The following ATP2A1 variants were observed in gnomAD, a reference collection of about 807,000 sequenced individuals.
ATP2A1 encodes ATPase sarcoplasmic/endoplasmic reticulum Ca2+ transporting 1.
In ATP2A1, 83 loss-of-function variants were observed where a neutral mutation model predicts 109.5. The observed-to-expected ratio is 0.76, with a 90% confidence interval of 0.63 to 0.91. The LOEUF (loss-of-function observed/expected upper bound fraction) is 0.91. Among genes scored for constraint, ATP2A1 ranks in the 40% least tolerant of loss-of-function variants. The probability of loss-of-function intolerance (pLI) is 0.00; values close to 1 mark genes in which losing one functional copy is unlikely to be tolerated. For missense variants in ATP2A1, 1,101 were observed against 1,341.0 expected (o/e 0.82, Z 2.80); for synonymous variants, 505 against 537.6 (o/e 0.94, Z 0.84).
rs1021645309 is a variant in ATP2A1 at position 28,901,852 on chromosome 16, T to C, written c.2101-11T>C. 6 of 1,612,266 alleles carry C rather than the reference T, an allele frequency of 3.7e-6. No homozygotes were observed. Among genetic ancestry groups the C allele is most frequent in the Non-Finnish European group, 5.1e-6 (6 of 1,178,890 alleles). On this transcript the variant is annotated splice_polypyrimidine_tract_variant and intron_variant, in intron 15 of 22. Transcript: ENST00000395503. ...AAGGTGCCCTAAGCCCACCTTCTCCTCCTCCCTCAGACAGGTGATGGCGTC... is the reference window on the plus strand; with the variant it reads ...AAGGTGCCCTAAGCCCACCTTCTCCCCCTCCCTCAGACAGGTGATGGCGTC...
rs1467785850 is a variant in ATP2A1, at chr16:28,883,165, G to A, written c.463+576G>A. Among the ~76,000 whole-genome samples, 1 of 152,218 alleles carries A rather than the reference G, an allele frequency of 6.6e-6. No individual in the cohort carries two copies. The highest frequency in any genetic ancestry group is 1.5e-5 in the Non-Finnish European group (1 of 68,040). ...CCTGGCCAGGGAGGGGTGGGGGCCG[G>A]GTGGCTAAGATTACTGGGATTCTGC... On this transcript the variant is annotated intron_variant, in intron 5 of 22. Coordinates refer to ENST00000395503, the MANE Select transcript of ATP2A1 (RefSeq NM_004320.6). This position sits in a 1 kb window ranked among gnomAD's most constrained non-coding sequence, Gnocchi z 5.2.
chr16:28,890,013 G>A (rs1278744527), intron 9 of ATP2A1, among the ~76,000 whole-genome samples: 5 of 152,074 alleles, frequency 3.3e-5, no homozygotes, highest in Admixed American at 6.6e-5. Context: ...ATGGTGGTGC[G>A]TGCCAGTAAT....
rs1226021851 is a variant in ATP2A1, at chr16:28,882,586, G to A, written c.460G>A (p.Ala154Thr). ...DIVPGDIVEV[A>T]VGDKVPADIR... ...CGTCCCTGGGGACATCGTGGAGGTG[G>A]CTGGTGAGTGACAGGGACGGCTGGT... Residue 154 changes from alanine (A) to threonine (T), a missense_variant, in exon 5 of 23, where the codon GCT (alanine) becomes ACT (threonine). Ala to Thr is a moderately conservative substitution (Grantham distance 58). Transcript: ENST00000395503. 1 of 1,614,022 alleles carries A rather than the reference G, an allele frequency of 6.2e-7. No individual in the cohort carries two copies. Among genetic ancestry groups the A allele is most frequent in the Non-Finnish European group, 8.5e-7 (1 of 1,180,008 alleles).
rs2152200815 is a variant in ATP2A1, at chr16:28,883,265, C to T, written c.463+676C>T. Reference sequence around the variant, plus strand: ...CAGGCCCCTGCCAGGGGGAATGGCTCTTCAGAGGCCTCCTTCCCTGTAGCA... The same window carrying T: ...CAGGCCCCTGCCAGGGGGAATGGCTTTTCAGAGGCCTCCTTCCCTGTAGCA... On this transcript the variant is annotated intron_variant, in intron 5 of 22. Coordinates refer to ENST00000395503, the MANE Select transcript of ATP2A1 (RefSeq NM_004320.6). The surrounding 1 kb of genome is among the most constrained non-coding windows in gnomAD (Gnocchi z 5.2). 6.6e-6 allele frequency among the ~76,000 whole-genome samples: 1 copy of T among 152,310 alleles called. No individual in the cohort carries two copies. The highest frequency in any genetic ancestry group is 2.1e-4 in the South Asian group (1 of 4,830).
At chr16:28,885,265 AG>A (rs1333425023) in intron 6 of ATP2A1, among the ~76,000 whole-genome samples, 11 of 149,208 alleles carry the variant, frequency 7.4e-5, no homozygotes, top group African/African-American at 2.0e-4. Context: ...AAAAAAAAAA[AG>A]ACAAAACAAA....
rs771329836 is a variant in ATP2A1, at chr16:28,879,546, T to G, written c.182T>G (p.Leu61Arg). 1.2e-6 allele frequency: 2 copies of G among 1,614,142 alleles called. No individual in the cohort carries two copies. Among genetic ancestry groups the G allele is most frequent in the Non-Finnish European group, 8.5e-7 (1 of 1,180,000 alleles). Residue 61 changes from leucine to arginine, a missense_variant, in exon 3 of 23, where the codon CTG becomes CGG. Transcript: ENST00000395503. The stretch of plus-strand genomic sequence containing the variant: ...GTGATAGAGCAGTTTGAAGACCTCC[T>G]GGTGCGGATTCTCCTCCTGGCCGCA... ...ELVIEQFEDLLVRILLLAACI... is the reference protein window; with the variant it reads ...ELVIEQFEDLRVRILLLAACI...
chr16:28,887,310 C>G, intron 7 of ATP2A1, 36 bp downstream of exon 7: 1 of 1,613,362 alleles, frequency 6.2e-7, no homozygotes, highest in Non-Finnish European at 8.5e-7. Flanking sequence ...CACACTCAGT[C>G]AAGCCAGGTG....
In ATP2A1 at chr16:28,902,232, G is replaced by A. The variant is rs774852588; in HGVS notation, c.2370G>A (p.Val790=). Residue 790 remains valine (V), a synonymous_variant, in exon 17 of 23, where the codon GTG becomes GTA. Transcript: ENST00000395503. This position sits in a 1 kb window ranked among gnomAD's most constrained non-coding sequence, Gnocchi z 4.8. ...GGCTGCCTGAGGCCCTGATCCCGGTGCAGCTGCTATGGGTGAACTTGGTGA... is the reference window on the plus strand; with the variant it reads ...GGCTGCCTGAGGCCCTGATCCCGGTACAGCTGCTATGGGTGAACTTGGTGA... ...ALGLPEALIP[V]QLLWVNLVTD... 1 of 1,614,132 alleles carries A rather than the reference G, an allele frequency of 6.2e-7. No homozygotes were observed. The highest frequency in any genetic ancestry group is 1.1e-5 in the South Asian group (1 of 91,080).
chr16:28,899,984 AAAAC>A (rs963828171), intron 14 of ATP2A1, among the ~76,000 whole-genome samples: 13 of 149,406 alleles, frequency 8.7e-5, no homozygotes, highest in African/African-American at 3.2e-4. Context: ...AACAAAAACA[AAAAC>A]AAAAAAAAGG....
At chr16:28,879,049 T>A in intron 1 of ATP2A1, 50 bp from the exon 2 acceptor site, 1 of 1,613,338 alleles carries the variant, frequency 6.2e-7, no homozygotes, top group Non-Finnish European at 8.5e-7. Flanking sequence ...GTGGGGGGCA[T>A]GAGGCTGAAC....
Position 28,880,026 on chromosome 16 carries a change from GGGA to G in ATP2A1, c.219+447_219+449del. 9.9e-7 allele frequency: 1 copy of G among 1,010,524 alleles called. No individual in the cohort carries two copies. The highest frequency in any genetic ancestry group is 5.0e-4 in the Middle Eastern group (1 of 2,018). 62.6% of individuals were successfully genotyped at this position (1,010,524 alleles called of 1,614,324 possible). ...AGCCTCCTGACGCTGATTGGTCGAG[GGGA>G]GGACTCGCTCCTAGTGGCGGGAAAG... On this transcript the variant is annotated intron_variant, in intron 3 of 22. Transcript: ENST00000395503. The surrounding 1 kb of genome is among the most constrained non-coding windows in gnomAD (Gnocchi z 4.2).
In ATP2A1 at chr16:28,904,387, A is replaced by C; in HGVS notation, c.*245A>C. ...TCAACCTTGTAAATTCCCCTTCCCA[A>C]CCCCGAGGGGCTTGCAGGGACAAGG... On this transcript the variant is annotated 3_prime_UTR_variant, in exon 23 of 23. Coordinates refer to ENST00000395503, the MANE Select transcript of ATP2A1 (RefSeq NM_004320.6). 3.3e-6 allele frequency: 5 copies of C among 1,529,346 alleles called. No individual in the cohort carries two copies. The highest frequency in any genetic ancestry group is 1.4e-5 in the African/African-American group (1 of 72,608). The allele number at this position is 1,529,346 out of a possible 1,614,324, so 94.7% of individuals were successfully genotyped here.
At chr16:28,889,022 G>A (rs1466535024) in intron 9 of ATP2A1, 69 bp downstream of exon 9, 4 of 1,588,186 alleles carry the variant, frequency 2.5e-6, no homozygotes, top group African/African-American at 1.3e-5. Flanking sequence ...GCCCTCCAAA[G>A]ATAGAGGTCT....
Position 28,887,498 on chromosome 16 carries a change from T to A in ATP2A1, c.704T>A (p.Ile235Asn), listed in dbSNP as rs569683468. 2.5e-6 allele frequency: 4 copies of A among 1,613,684 alleles called. No homozygotes were observed. Among genetic ancestry groups the A allele is most frequent in the Non-Finnish European group, 3.4e-6 (4 of 1,179,960 alleles). ...TTGVGTEIGK[I>N]RDQMAATEQD... is the part of the protein sequence containing the mutation. ...GGTGTGGGCACCGAGATTGGGAAGA[T>A]CCGAGACCAAATGGCTGCCACAGAA... The change falls in exon 8 of 23, where the codon ATC (isoleucine) becomes AAC (asparagine). Residue 235 changes from isoleucine to asparagine, a missense_variant. Physicochemically the swap from Ile to Asn is moderately radical, Grantham distance 149 (BLOSUM62 -3). Transcript: ENST00000395503.
chr16:28,882,126 T>G (rs996702988), intron 4 of ATP2A1, among the ~76,000 whole-genome samples: 2 of 125,086 alleles, frequency 1.6e-5, no homozygotes, highest in Admixed American at 1.7e-4. Flanking sequence ...TTTTTTTTTT[T>G]GTACTTTTCG....
At position 28,902,715 on chromosome 16, in the gene ATP2A1, A is replaced by AG; in HGVS notation, c.2610+53dup. On this transcript the variant is annotated intron_variant, in intron 18 of 22. Coordinates refer to ENST00000395503, the MANE Select transcript of ATP2A1 (RefSeq NM_004320.6). This position sits in a 1 kb window ranked among gnomAD's most constrained non-coding sequence, Gnocchi z 4.8. ...GACCAGGAGGGTGTGGGGATGCAGG[A>AG]GGGTACCAGGAGGGTGGCATGGAGG... is the stretch of plus-strand genomic sequence containing the variant. 6.2e-7 allele frequency: 1 copy of AG among 1,613,822 alleles called. No individual in the cohort carries two copies. Among genetic ancestry groups the AG allele is most frequent in the Non-Finnish European group, 8.5e-7 (1 of 1,179,856 alleles).
chr16:28,900,500 A>G (rs1329880294), intron 14 of ATP2A1, 81 bp from the exon 15 acceptor site: 1 of 617,690 alleles, frequency 1.6e-6, no homozygotes, highest in African/African-American at 2.4e-5. Flanking sequence ...CTTTCACCCC[A>G]TCCCCACCCC....
intron 2 of ATP2A1, 124 bp from the exon 3 acceptor site, chr16:28,879,377 G>A: frequency 1.0e-6 from 1 of 991,902 alleles, no homozygotes; most frequent in South Asian, 1.3e-5. Context: ...CCTTCTCTGG[G>A]CACCAAGCTG....
intron 12 of ATP2A1, among the ~76,000 whole-genome samples, chr16:28,897,029 C>G (rs981143150): frequency 2.6e-5 from 4 of 151,674 alleles, no homozygotes; most frequent in Non-Finnish European, 5.9e-5. Context: ...GGTAGTGAGC[C>G]AAGACTGCAC....
Sources: gnomAD v4.1 joint callset for allele counts (sites outside exome capture counted in the v4.1 genomes callset) on GRCh38, gnomAD v4.1.1 for gene constraint, Gnocchi (gnomAD v3.1) non-coding constraint, MANE v1.5 for transcripts, NCBI Gene and HGNC (gene_info 2026-07-23, HGNC 2026-07-21) for gene names.